KHDRBS3: variants seen among roughly 807,000 people sequenced by gnomAD.
KHDRBS3 encodes the protein KH domain-containing, RNA-binding, signal transduction-associated protein 3.
KHDRBS3 carries 23 observed loss-of-function variants against 45.6 expected under a neutral mutation model. That is an observed-to-expected ratio of 0.50 (90% confidence interval 0.36 to 0.72). KHDRBS3 has a LOEUF of 0.72. Ranked by LOEUF, KHDRBS3 falls within the 30% of genes least tolerant of loss-of-function variation. KHDRBS3 has a pLI of 0.00. For synonymous variants in KHDRBS3, 162 were observed against 156.5 expected, an observed-to-expected ratio of 1.04 and a Z score of -0.26; for missense variants, 352 against 424.8, an observed-to-expected ratio of 0.83 and a Z score of 1.51.
chr8:135,563,401 A>G (rs1382709648), intron 5 of KHDRBS3, among the ~76,000 whole-genome samples: 3 of 152,176 alleles, frequency 2.0e-5, no homozygotes, highest in Admixed American at 1.3e-4. Flanking sequence ...CATCCTCAGC[A>G]TACACGGTCA....
intron 1 of KHDRBS3, among the ~76,000 whole-genome samples, chr8:135,497,493 C>T (rs967397711): frequency 6.6e-6 from 1 of 152,070 alleles, no homozygotes; most frequent in African/African-American, 2.4e-5. Context: ...TACCTTTTAT[C>T]ACAAGCATCA....
downstream of KHDRBS3, among the ~76,000 whole-genome samples, chr8:135,649,965 A>G (rs1831395173): frequency 6.6e-6 from 1 of 152,162 alleles, no homozygotes; most frequent in African/African-American, 2.4e-5. Flanking sequence ...ATGCTCCACC[A>G]GACCTGATTT....
At chr8:135,643,048 C>T (rs1033828960) in intron 7 of KHDRBS3, among the ~76,000 whole-genome samples, 5 of 152,154 alleles carry the variant, frequency 3.3e-5, no homozygotes, top group Non-Finnish European at 7.4e-5. Context: ...CCGCCTCAGC[C>T]TCCCAAAGTG....
At chr8:135,634,340 A>C (rs901196349) in intron 7 of KHDRBS3, among the ~76,000 whole-genome samples, 2 of 152,206 alleles carry the variant, frequency 1.3e-5, no homozygotes, top group Admixed American at 6.5e-5. Context: ...AGTCAGGTTC[A>C]CAATATCAAC....
At chr8:135,588,976 A>G (rs1406184926) in intron 6 of KHDRBS3, among the ~76,000 whole-genome samples, 5 of 152,084 alleles carry the variant, frequency 3.3e-5, no homozygotes, top group East Asian at 1.9e-4. Flanking sequence ...TAATTCTTTC[A>G]TCTTCCTTCT....
chr8:135,633,813 C>T (rs1378084403), intron 7 of KHDRBS3, among the ~76,000 whole-genome samples: 1 of 152,220 alleles, frequency 6.6e-6, no homozygotes, highest in Non-Finnish European at 1.5e-5. Flanking sequence ...ACAGCCTCCC[C>T]ATTATCCACA....
At chr8:135,553,423 T>C (rs1410370609) in intron 4 of KHDRBS3, among the ~76,000 whole-genome samples, 2 of 150,168 alleles carry the variant, frequency 1.3e-5, no homozygotes, top group Admixed American at 6.6e-5. Context: ...ACCTTTTGTT[T>C]TTAACTTACG....
At chr8:135,467,908 C>A (rs1021301702) in intron 1 of KHDRBS3, among the ~76,000 whole-genome samples, 12 of 152,170 alleles carry the variant, frequency 7.9e-5, no homozygotes, top group African/African-American at 2.9e-4. Flanking sequence ...ACATTTCTTA[C>A]CTGAATTATT....
In KHDRBS3 at chr8:135,491,848, A is replaced by C. The variant is rs779572659; in HGVS notation, c.89-29389A>C. 5.1e-4 allele frequency among the ~76,000 whole-genome samples: 77 copies of C among 152,286 alleles called. 1 individual carries two copies. The highest frequency in any genetic ancestry group is 2.6e-4 in the Non-Finnish European group (18 of 68,028). On this transcript the variant is annotated intron_variant, in intron 1 of 8. Transcript: ENST00000355849. The stretch of plus-strand genomic sequence containing the variant: ...GTAGGTAAAACCTAAGCCTCTTAGC[A>C]GAAATTAAGGCAGTGACAAATTAAG...
chr8:135,655,129 A>G (rs1026022488), intron 4 of KHDRBS3, among the ~76,000 whole-genome samples: 18 of 152,218 alleles, frequency 1.2e-4, no homozygotes, highest in Non-Finnish European at 7.3e-5. Context: ...TTATTGGTTA[A>G]TTAAGGCAAT....
chr8:135,607,635 G>A (rs958548252), intron 7 of KHDRBS3, among the ~76,000 whole-genome samples: 1 of 152,128 alleles, frequency 6.6e-6, no homozygotes, highest in Non-Finnish European at 1.5e-5. Flanking sequence ...TGAACTTAGT[G>A]TTTCTTATGT....
At chr8:135,613,062 C>A (rs1829771323) in intron 7 of KHDRBS3, among the ~76,000 whole-genome samples, 1 of 151,692 alleles carries the variant, frequency 6.6e-6, no homozygotes, top group African/African-American at 2.4e-5. Context: ...AGCAAGACAG[C>A]AAGACAGTCC....
chr8:135,461,481 G>A (rs79212119), intron 1 of KHDRBS3, among the ~76,000 whole-genome samples: 1 of 152,098 alleles, frequency 6.6e-6, no homozygotes, highest in African/African-American at 2.4e-5. Context: ...ATAGGCTTTG[G>A]GATCCCACTC....
intron 1 of KHDRBS3, among the ~76,000 whole-genome samples, chr8:135,469,506 GTTTTTTT>G (rs1356499436): frequency 1.3e-4 from 15 of 111,280 alleles, no homozygotes; most frequent in Middle Eastern, 5.5e-3. Context: ...CCAGGATGGT[GTTTTTTT>G]TTTGTTTTGG....
intron 1 of KHDRBS3, among the ~76,000 whole-genome samples, chr8:135,501,905 A>G (rs1220940110): frequency 6.6e-6 from 1 of 152,180 alleles, no homozygotes; most frequent in Non-Finnish European, 1.5e-5. Flanking sequence ...CTTTCACTGA[A>G]TTCACACTGT....
chr8:135,655,778 A>C (rs1831520489), intron 4 of KHDRBS3, among the ~76,000 whole-genome samples: 1 of 152,172 alleles, frequency 6.6e-6, no homozygotes, highest in Non-Finnish European at 1.5e-5. Flanking sequence ...TTTTTTAAAT[A>C]ACAGAGTTTT....
chr8:135,502,553 A>G (rs1322290148), intron 1 of KHDRBS3, among the ~76,000 whole-genome samples: 2 of 152,208 alleles, frequency 1.3e-5, no homozygotes, highest in African/African-American at 4.8e-5. Flanking sequence ...ATTTAAATTT[A>G]TACTTTACAT....
At chr8:135,559,356 A>G (rs989738254) in intron 5 of KHDRBS3, among the ~76,000 whole-genome samples, 2 of 151,708 alleles carry the variant, frequency 1.3e-5, no homozygotes, top group Non-Finnish European at 2.9e-5. Flanking sequence ...TATTTTGTTT[A>G]TTTATTTATT....
At chr8:135,552,173 A>G (rs949815917) in intron 4 of KHDRBS3, among the ~76,000 whole-genome samples, 1 of 152,048 alleles carries the variant, frequency 6.6e-6, no homozygotes, top group African/African-American at 2.4e-5. Context: ...TATGTTTTTC[A>G]TTAAATGTGG....
Sources: gnomAD v4.1 joint callset for allele counts (sites outside exome capture counted in the v4.1 genomes callset) on GRCh38, gnomAD v4.1.1 for gene constraint, MANE v1.5 for transcripts, NCBI Gene and HGNC (gene_info 2026-07-23, HGNC 2026-07-21) for gene names.